Variants in CHKB observed in about 807,000 individuals in gnomAD.
CHKB encodes the protein choline/ethanolamine kinase.
CHKB carries 45 observed loss-of-function variants against 57.3 expected under a neutral mutation model. The ratio of observed to expected loss-of-function variants is 0.79; its 90% CI spans 0.62 to 1.01. The LOEUF (loss-of-function observed/expected upper bound fraction) is 1.01. Among genes scored for constraint, CHKB ranks in the 50% least tolerant of loss-of-function variants. The pLI is 0.00. For synonymous variants in CHKB, 224 were observed against 201.8 expected (o/e 1.11, Z -0.93); for missense variants, 517 against 502.8 (o/e 1.03, Z -0.27).
intron 4 of CHKB, among the ~76,000 whole-genome samples, chr22:50,581,055 A>G (rs1288832214): frequency 6.6e-6 from 1 of 152,132 alleles, no homozygotes; most frequent in Non-Finnish European, 1.5e-5. Flanking sequence ...TGCTAGGATT[A>G]CAGGCATGAG....
intron 4 of CHKB, 154 bp from the exon 5 acceptor site, chr22:50,580,814 C>T: frequency 1.4e-6 from 1 of 739,720 alleles, no homozygotes; most frequent in Non-Finnish European, 2.3e-6. Context: ...GAGTCTTGCT[C>T]TGTCACCCAG....
Position 50,581,526 on chromosome 22 carries a change from G to A in CHKB, c.475C>T (p.Arg159Ter). 2.5e-6 allele frequency: 4 copies of A among 1,613,912 alleles called. No homozygotes were observed. Among genetic ancestry groups the A allele is most frequent in the South Asian group, 1.1e-5 (1 of 91,082 alleles). The part of the protein sequence containing the change: ...PSRPLKTQEL[R>*]EPVLSAAIAT... ...ATGGCTGCTGACAACACTGGCTCTC[G>A]AAGCTCTTGAGTTTTCAATGGCCGA... is the stretch of plus-strand genomic sequence containing the variant. The change falls in exon 4 of 11, where the codon CGA becomes TGA. Residue 159 changes from arginine (R) to a stop codon, truncating the protein, a stop_gained. Transcript: ENST00000406938. LOFTEE classifies it high-confidence loss of function.
rs560829170 is a variant in CHKB at position 50,582,206 on chromosome 22, G to A, written c.333+43C>T. On this transcript the variant is annotated intron_variant, in intron 2 of 10. Coordinates refer to ENST00000406938, the MANE Select transcript of CHKB (RefSeq NM_005198.5). ...TACTACCCGCATCGCGTAAGCGACA[G>A]GCCCTAAAGCCACTGGTGCTGCGGC... 8.0e-6 allele frequency: 12 copies of A among 1,501,628 alleles called. No individual in the cohort carries two copies. In the African/African-American group the frequency reaches 1.1e-4, roughly 14 times the overall value. 93.0% of individuals were successfully genotyped at this position (1,501,628 alleles called of 1,614,324 possible). A position where few individuals can be genotyped will look rare whatever the true frequency, so the allele number is the denominator to read the frequency against.
At chr22:50,581,901 G>GGCACA in intron 2 of CHKB, 39 bp from the exon 3 acceptor site, 1 of 1,572,074 alleles carries the variant, frequency 6.4e-7, no homozygotes. Context: ...AAGGCAAAGT[G>GGCACA]GCACAGGGAC....
rs1405815680 is a variant in CHKB, at chr22:50,582,761, A to T, written c.21T>A (p.Ala7=). ...CGCCAACAGCCCCGCTTCCGGCCAC[A>T]GCTGTCGCCTCGGCCGCCATGGCGC... The part of the protein sequence containing the change: MAAEAT[A]VAGSGAVGGC... Residue 7 remains alanine (A), a synonymous_variant, in exon 1 of 11, where the codon GCT becomes GCA. Coordinates refer to ENST00000406938, the MANE Select transcript of CHKB (RefSeq NM_005198.5). 29 of 1,585,224 alleles carry T rather than the reference A, an allele frequency of 1.8e-5. No individual in the cohort carries two copies. The highest frequency in any genetic ancestry group is 2.5e-5 in the Non-Finnish European group (29 of 1,167,248).
rs1460891479 is a variant in CHKB at position 50,580,345 on chromosome 22, T to G, written c.736+13A>C. 1 of 1,613,992 alleles carries G rather than the reference T, an allele frequency of 6.2e-7. No individual in the cohort carries two copies. Among genetic ancestry groups the G allele is most frequent in the South Asian group, 1.1e-5 (1 of 91,082 alleles). On this transcript the variant is annotated intron_variant, in intron 6 of 10. Coordinates refer to ENST00000406938, the MANE Select transcript of CHKB (RefSeq NM_005198.5). ...TCCATCTTGGGTTAGGAGACTCAGA[T>G]GCCTTCTCCTACCTTCCTGGATGTC... is the stretch of plus-strand genomic sequence containing the variant.
Position 50,582,281 on chromosome 22 carries a change from C to T in CHKB, c.301G>A (p.Val101Met), listed in dbSNP as rs1190659289. 6.3e-7 allele frequency: 1 copy of T among 1,594,432 alleles called. No homozygotes were observed. Among genetic ancestry groups the T allele is most frequent in the East Asian group, 2.3e-5 (1 of 44,148 alleles). The change falls in exon 2 of 11, where the codon GTG becomes ATG. Residue 101 changes from valine to methionine, a missense_variant. Val to Met is a conservative substitution (Grantham distance 21, BLOSUM62 1). Coordinates refer to ENST00000406938, the MANE Select transcript of CHKB (RefSeq NM_005198.5). ...LPSVGEEPRE[V>M]LLRLYGAILQ... ...ATGGCTCCGTACAGCCGCAGAAGCA[C>T]CTCCCGGGGCTCCTCGCCAACGCTG...
In CHKB at chr22:50,582,583, C is replaced by CGG. The variant is rs775693513; in HGVS notation, c.197_198dup (p.Glu67ProfsTer4). 6.2e-7 allele frequency: 1 copy of CGG among 1,610,068 alleles called. No homozygotes were observed. The highest frequency in any genetic ancestry group is 8.5e-7 in the Non-Finnish European group (1 of 1,178,848). ...CTCACGGGGTAAACCCTCAGCTCCTCGGGCTGCACTCGGCGCCAGGCCCCG... is the reference window on the plus strand; with the variant it reads ...CTCACGGGGTAAACCCTCAGCTCCTCGGGGGCTGCACTCGGCGCCAGGCCCCG... On this transcript the variant is annotated frameshift_variant, in exon 1 of 11. Coordinates refer to ENST00000406938, the MANE Select transcript of CHKB (RefSeq NM_005198.5). LOFTEE classifies it high-confidence loss of function.
intron 1 of CHKB, 68 bp from the exon 2 acceptor site, chr22:50,582,425 C>G (rs1021559166): frequency 2.1e-5 from 31 of 1,454,220 alleles, no homozygotes; most frequent in Admixed American, 1.7e-4. Flanking sequence ...GGCCCCCTCC[C>G]GGCCAGGCCG....
rs766246670 is a variant in CHKB at position 50,582,630 on chromosome 22, T to A, written c.152A>T (p.Gln51Leu). ...CCCGCCCAAGTACTCCCGGCACCAT[T>A]GGTAGGCTCGGCGCTCGGCGTCACG... is the stretch of plus-strand genomic sequence containing the variant. ...LSRDAERRAY[Q>L]WCREYLGGAW... is the part of the protein sequence containing the mutation. Residue 51 changes from glutamine (Q) to leucine (L), a missense_variant, in exon 1 of 11, where the codon CAA becomes CTA. By Grantham distance (113) the Gln-to-Leu change is moderately radical. Coordinates refer to ENST00000406938, the MANE Select transcript of CHKB (RefSeq NM_005198.5). 1 of 1,611,218 alleles carries A rather than the reference T, an allele frequency of 6.2e-7. No individual in the cohort carries two copies. The highest frequency in any genetic ancestry group is 1.1e-5 in the South Asian group (1 of 90,972).
rs1233752631 is a variant in CHKB, at chr22:50,580,246, T to G, written c.762A>C (p.Pro254=). The G allele has an allele frequency of 1.8e-5, 29 of 1,613,910 alleles. 1 individual carries two copies. In the East Asian group the frequency reaches 6.5e-4, roughly 36 times the overall value. Residue 254 remains proline (P), a synonymous_variant, in exon 7 of 11, where the codon CCA becomes CCC. Coordinates refer to ENST00000406938, the MANE Select transcript of CHKB (RefSeq NM_005198.5). ...CCAGCATGAGGCTGTCAGCATTTTCTGGCTCTGAGAGCAGCAAGATGTTCC... is the reference window on the plus strand; with the variant it reads ...CCAGCATGAGGCTGTCAGCATTTTCGGGCTCTGAGAGCAGCAAGATGTTCC... The part of the protein sequence containing the change: ...QEGNILLLSE[P]ENADSLMLVD...
intron 2 of CHKB, 26 bp from the exon 3 acceptor site, chr22:50,581,888 G>T: frequency 1.9e-6 from 3 of 1,604,460 alleles, no homozygotes; most frequent in Non-Finnish European, 2.6e-6. Flanking sequence ...CAGCAAAGGG[G>T]CCAAGGCAAA....
chr22:50,581,640 G>C lies in CHKB; in HGVS notation c.448-87C>G, dbSNP rs2269381. On this transcript the variant is annotated intron_variant, in intron 3 of 10. Coordinates refer to ENST00000406938, the MANE Select transcript of CHKB (RefSeq NM_005198.5). ...CAATGAGGGGAAGTCAGGGTTTTGG[G>C]GGAAATTCCCTACTTGGGGTGAGGG... is the stretch of plus-strand genomic sequence containing the variant. The C allele has an allele frequency of 0.062, 98,584 of 1,597,734 alleles. 4,682 individuals carry two copies. The highest frequency in any genetic ancestry group is 0.23 in the East Asian group (10,483 of 44,784).
chr22:50,582,795 C>G lies in CHKB; in HGVS notation c.-14G>C, dbSNP rs753481216. On this transcript the variant is annotated 5_prime_UTR_variant, in exon 1 of 11. Coordinates refer to ENST00000406938, the MANE Select transcript of CHKB (RefSeq NM_005198.5). ...CTCGGCCGCCATGGCGCGGGCTCGACCGGGCCCCAGGCCAGGCTGCGCTCC... is the reference window on the plus strand; with the variant it reads ...CTCGGCCGCCATGGCGCGGGCTCGAGCGGGCCCCAGGCCAGGCTGCGCTCC... 3.9e-6 allele frequency: 6 copies of G among 1,552,514 alleles called. No homozygotes were observed. Among genetic ancestry groups the G allele is most frequent in the Non-Finnish European group, 5.2e-6 (6 of 1,150,910 alleles).
intron 5 of CHKB, 36 bp from the exon 6 acceptor site, chr22:50,580,452 G>A (rs375851386): frequency 1.5e-5 from 24 of 1,613,028 alleles, no homozygotes; most frequent in Admixed American, 5.0e-5. Flanking sequence ...CTGAGCAGGA[G>A]TGACTAGAGG....
intron 1 of CHKB, 73 bp downstream of exon 1, chr22:50,582,485 G>C (rs768222640): frequency 4.0e-4 from 599 of 1,501,530 alleles, no homozygotes; most frequent in Non-Finnish European, 5.2e-4. Flanking sequence ...AAAACATGGA[G>C]CATCCTGAGG....
In CHKB at chr22:50,582,823, T is replaced by C. The variant is rs777813485; in HGVS notation, c.-42A>G. On this transcript the variant is annotated 5_prime_UTR_variant, in exon 1 of 11. Coordinates refer to ENST00000406938, the MANE Select transcript of CHKB (RefSeq NM_005198.5). ...GGCCCCAGGCCAGGCTGCGCTCCGCTCCCTTCGGACGGGCTCGGTTCCTTC... is the reference window on the plus strand; with the variant it reads ...GGCCCCAGGCCAGGCTGCGCTCCGCCCCCTTCGGACGGGCTCGGTTCCTTC... 23 of 1,519,328 alleles carry C rather than the reference T, an allele frequency of 1.5e-5. No individual in the cohort carries two copies. In the South Asian group the frequency reaches 2.8e-4, roughly 18 times the overall value. 94.1% of individuals were successfully genotyped at this position (1,519,328 alleles called of 1,614,324 possible).
Position 50,582,520 on chromosome 22 carries a change from G to C in CHKB, c.224+38C>G, listed in dbSNP as rs774714523. 8.9e-6 allele frequency: 14 copies of C among 1,575,762 alleles called. No individual in the cohort carries two copies. The South Asian group carries it at 1.6e-4, about 18-fold the overall frequency. ...GGCCCCGCGGCTGACCCCTGACCCC[G>C]ATCCGCGCACCGGAGAGGCTGACCC... On this transcript the variant is annotated intron_variant, in intron 1 of 10. Coordinates refer to ENST00000406938, the MANE Select transcript of CHKB (RefSeq NM_005198.5).
At chr22:50,579,870 T>C in intron 8 of CHKB, 40 bp from the exon 9 acceptor site, 3 of 1,598,890 alleles carry the variant, frequency 1.9e-6, no homozygotes, top group Non-Finnish European at 2.6e-6. Context: ...GGGGAGACTG[T>C]GGAGTATTTC....
Sources: allele counts gnomAD v4.1 joint callset (sites outside exome capture counted in the v4.1 genomes callset), GRCh38; gene constraint gnomAD v4.1.1; transcripts MANE v1.5; gene names NCBI Gene and HGNC (gene_info 2026-07-23, HGNC 2026-07-21).